PPP2R3A: variants seen among roughly 807,000 people sequenced by gnomAD.
PPP2R3A encodes the protein protein phosphatase 2 regulatory subunit B''alpha.
PPP2R3A carries 80 observed loss-of-function variants against 106.9 expected under a neutral mutation model. The observed-to-expected ratio is 0.75, with a 90% CI of 0.62 to 0.90. The LOEUF (loss-of-function observed/expected upper bound fraction) is 0.90, where lower values mean the gene tolerates loss of function less well. PPP2R3A is among the 40% of genes least tolerant of loss of function. PPP2R3A has a pLI of 0.00. For missense variants in PPP2R3A, 1,386 were observed against 1,350.4 expected (o/e 1.03, Z -0.41); for synonymous variants, 483 against 468.3 (o/e 1.03, Z -0.41).
chr3:135,985,365 T>G (rs1937595628), intron 1 of PPP2R3A, among the ~76,000 whole-genome samples: 1 of 139,334 alleles, frequency 7.2e-6, no homozygotes, highest in Admixed American at 7.2e-5. Context: ...CCTCTTTCCC[T>G]CTCTCCCTTC....
chr3:136,064,770 C>T (rs1278900604), intron 5 of PPP2R3A, among the ~76,000 whole-genome samples: 1 of 152,176 alleles, frequency 6.6e-6, no homozygotes, highest in African/African-American at 2.4e-5. Flanking sequence ...CAGAAACAAT[C>T]TCCTTTGAAC....
intron 6 of PPP2R3A, among the ~76,000 whole-genome samples, chr3:136,074,056 T>C (rs1936523022): frequency 6.6e-6 from 1 of 152,230 alleles, no homozygotes; most frequent in Non-Finnish European, 1.5e-5. Context: ...CATGTGACTC[T>C]ATTGAATGTT....
At chr3:136,048,766 A>G (rs1255298732) in intron 4 of PPP2R3A, among the ~76,000 whole-genome samples, 2 of 152,216 alleles carry the variant, frequency 1.3e-5, no homozygotes, top group Non-Finnish European at 2.9e-5. Flanking sequence ...AGAAATATCA[A>G]GCAACAAACA....
chr3:136,100,380 T>TA (rs1937328933), intron 10 of PPP2R3A, among the ~76,000 whole-genome samples: 1 of 150,166 alleles, frequency 6.7e-6, no homozygotes, highest in Admixed American at 6.6e-5. Flanking sequence ...TTATTATTAT[T>TA]AAAAATTAGC....
intron 13 of PPP2R3A, among the ~76,000 whole-genome samples, chr3:136,139,464 G>A (rs937866959): frequency 4.7e-5 from 7 of 149,878 alleles, no homozygotes; most frequent in South Asian, 2.1e-4. Context: ...GGGAGGCCGA[G>A]GGGGGGGATC....
chr3:136,128,871 A>G (rs570801292), intron 13 of PPP2R3A, among the ~76,000 whole-genome samples: 1 of 152,324 alleles, frequency 6.6e-6, no homozygotes, highest in African/African-American at 2.4e-5. Context: ...AACTCACTCA[A>G]AACCGCTCAA....
chr3:136,072,294 A>G (rs1936461035), intron 6 of PPP2R3A, among the ~76,000 whole-genome samples: 1 of 152,190 alleles, frequency 6.6e-6, no homozygotes, highest in Non-Finnish European at 1.5e-5. Context: ...GAAATTATCC[A>G]TGTTTAAGAA....
At chr3:136,020,470 C>T (rs1934426135) in intron 2 of PPP2R3A, among the ~76,000 whole-genome samples, 1 of 152,052 alleles carries the variant, frequency 6.6e-6, no homozygotes, top group Non-Finnish European at 1.5e-5. Flanking sequence ...AGTAGTAAAG[C>T]AATTTGAATG....
At chr3:136,088,694 T>C (rs1018536590) in intron 9 of PPP2R3A, among the ~76,000 whole-genome samples, 8 of 152,228 alleles carry the variant, frequency 5.3e-5, no homozygotes, top group African/African-American at 1.4e-4. Context: ...GCTGGACCCA[T>C]TTACATTCCC....
intron 5 of PPP2R3A, among the ~76,000 whole-genome samples, chr3:136,057,094 G>A (rs1050122183): frequency 2.6e-5 from 4 of 151,878 alleles, no homozygotes; most frequent in Non-Finnish European, 4.4e-5. Context: ...ACCGTTGGTG[G>A]GAATGTAAAT....
chr3:135,979,713 T>C (rs1451690434), intron 1 of PPP2R3A, among the ~76,000 whole-genome samples: 1 of 151,602 alleles, frequency 6.6e-6, no homozygotes, highest in Non-Finnish European at 1.5e-5. Context: ...CAAAACATAC[T>C]GGGCAGACAA....
chr3:136,102,696 C>T (rs1178177498), intron 11 of PPP2R3A, among the ~76,000 whole-genome samples: 2 of 152,068 alleles, frequency 1.3e-5, no homozygotes, highest in Non-Finnish European at 2.9e-5. Context: ...TAGGATTTTA[C>T]ACCAGGCACA....
chr3:136,102,900 G>A (rs1457464648), intron 11 of PPP2R3A, among the ~76,000 whole-genome samples: 1 of 152,128 alleles, frequency 6.6e-6, no homozygotes, highest in East Asian at 1.9e-4. Flanking sequence ...AGCACATGAG[G>A]AGAGATGGGA....
chr3:135,979,463 G>A (rs185923303), intron 1 of PPP2R3A, among the ~76,000 whole-genome samples: 86 of 151,944 alleles, frequency 5.7e-4, no homozygotes, highest in Non-Finnish European at 4.9e-4. Context: ...ACTGATTGAT[G>A]TCCGATTGGA....
At chr3:136,076,272 T>A (rs757777269) in intron 6 of PPP2R3A, among the ~76,000 whole-genome samples, 30 of 152,238 alleles carry the variant, frequency 2.0e-4, no homozygotes, top group Non-Finnish European at 4.4e-4. Flanking sequence ...ACAAGTCAGC[T>A]TCTTCTTCCG....
intron 4 of PPP2R3A, among the ~76,000 whole-genome samples, chr3:136,048,941 G>A (rs371981644): frequency 3.4e-4 from 52 of 152,148 alleles, no homozygotes; most frequent in East Asian, 2.7e-3. Flanking sequence ...TACTAGATGA[G>A]GTTACTGGAG....
chr3:136,015,153 C>A (rs981425735), intron 2 of PPP2R3A, among the ~76,000 whole-genome samples: 1 of 152,048 alleles, frequency 6.6e-6, no homozygotes, highest in African/African-American at 2.4e-5. Context: ...ATTAAGTAAT[C>A]CCTGCATCCC....
intron 2 of PPP2R3A, among the ~76,000 whole-genome samples, chr3:136,021,359 C>G (rs1934457882): frequency 1.3e-5 from 2 of 152,174 alleles, no homozygotes; most frequent in African/African-American, 4.8e-5. Context: ...CTCTTTCAAT[C>G]ATAGTACGTA....
chr3:135,990,538 T>G (rs1576415675), intron 1 of PPP2R3A, among the ~76,000 whole-genome samples: 1 of 152,222 alleles, frequency 6.6e-6, no homozygotes, highest in Admixed American at 6.5e-5. Flanking sequence ...TAATATAAAT[T>G]AATGAATAAA....
Sources: gnomAD v4.1 joint callset for allele counts (sites outside exome capture counted in the v4.1 genomes callset) on GRCh38, gnomAD v4.1.1 for gene constraint, MANE v1.5 for transcripts, NCBI Gene and HGNC (gene_info 2026-07-23, HGNC 2026-07-21) for gene names.